FAF1: variants seen among roughly 807,000 people sequenced by gnomAD.
The protein encoded by FAF1 is FAS-associated factor 1.
A neutral mutation model predicts 92.5 loss-of-function variants in FAF1; 25 were observed. The ratio of observed to expected loss-of-function variants is 0.27; its 90% CI spans 0.20 to 0.38. FAF1 has a LOEUF of 0.38. FAF1 is among the 10% of genes least tolerant of loss of function. The pLI is 1.00. For missense variants in FAF1, 636 were observed against 793.3 expected (o/e 0.80, Z 2.38); for synonymous variants, 234 against 273.2 (o/e 0.86, Z 1.42).
intron 13 of FAF1, among the ~76,000 whole-genome samples, chr1:50,540,147 T>C (rs1648694322): frequency 6.6e-6 from 1 of 152,048 alleles, no homozygotes; most frequent in African/African-American, 2.4e-5. Flanking sequence ...ATTTTTTTTG[T>C]ATTTTTAGTA....
chr1:50,643,103 T>C (rs2124253014), intron 8 of FAF1, among the ~76,000 whole-genome samples: 1 of 152,330 alleles, frequency 6.6e-6, no homozygotes, highest in East Asian at 1.9e-4. Context: ...GTGCTGGGAT[T>C]ACAGGCATGA....
chr1:50,808,439 C>T (rs984071224), intron 2 of FAF1, among the ~76,000 whole-genome samples: 2 of 151,998 alleles, frequency 1.3e-5, no homozygotes, highest in African/African-American at 4.8e-5. Context: ...TGGGTTAATG[C>T]CCTAATTAAA....
intron 9 of FAF1, among the ~76,000 whole-genome samples, chr1:50,585,498 T>A (rs1440710750): frequency 3.3e-5 from 5 of 152,184 alleles, no homozygotes; most frequent in African/African-American, 1.2e-4. Context: ...ATTAAAAACA[T>A]CTGCTTCAAA....
chr1:50,547,878 C>T (rs1649111647), intron 13 of FAF1, among the ~76,000 whole-genome samples: 1 of 152,100 alleles, frequency 6.6e-6, no homozygotes, highest in Non-Finnish European at 1.5e-5. Context: ...TAATAATTGG[C>T]TTTTTCTTAC....
intron 1 of FAF1, among the ~76,000 whole-genome samples, chr1:50,866,721 C>G (rs992682174): frequency 6.6e-6 from 1 of 152,132 alleles, no homozygotes; most frequent in African/African-American, 2.4e-5. Context: ...ATCCCATGAT[C>G]ATGGATGGGT....
intron 18 of FAF1, among the ~76,000 whole-genome samples, chr1:50,474,781 A>C (rs951772043): frequency 1.3e-5 from 2 of 152,192 alleles, no homozygotes; most frequent in Non-Finnish European, 2.9e-5. Context: ...AAATCTGATA[A>C]AGTCTTCATT....
chr1:50,942,895 G>A (rs1023800765), intron 1 of FAF1, among the ~76,000 whole-genome samples: 3 of 152,078 alleles, frequency 2.0e-5, no homozygotes, highest in Non-Finnish European at 4.4e-5. Context: ...TTTCATAATG[G>A]ACTGTAAGCA....
chr1:50,854,601 G>A (rs1341348951), intron 2 of FAF1, among the ~76,000 whole-genome samples: 2 of 151,832 alleles, frequency 1.3e-5, no homozygotes, highest in Non-Finnish European at 2.9e-5. Flanking sequence ...AAAATAAGTG[G>A]AGCCAAGTGT....
intron 2 of FAF1, among the ~76,000 whole-genome samples, chr1:50,819,354 C>A (rs1447896833): frequency 1.3e-5 from 2 of 151,468 alleles, no homozygotes; most frequent in Non-Finnish European, 2.9e-5. Context: ...GTAGCGCACG[C>A]CTGTAATCCC....
chr1:50,632,530 T>A (rs1653837233), intron 8 of FAF1, among the ~76,000 whole-genome samples: 1 of 152,210 alleles, frequency 6.6e-6, no homozygotes, highest in Non-Finnish European at 1.5e-5. Flanking sequence ...GTTACTTCTC[T>A]ATTTAGTTCA....
At position 50,788,113 on chromosome 1, in the gene FAF1, C is replaced by T. The variant is rs370452298; in HGVS notation, c.254G>A (p.Arg85Gln). 3 of 1,614,004 alleles carry T rather than the reference C, an allele frequency of 1.9e-6. No individual in the cohort carries two copies. The highest frequency in any genetic ancestry group is 2.5e-6 in the Non-Finnish European group (3 of 1,179,966). ...APTSSSSSAF[R>Q]PVMPSRQIVE... ...AATCTGCCTGGATGGCATTACAGGTCGAAACGCTGAAGAAGAAGAGGAAGT... is the reference window on the plus strand; with the variant it reads ...AATCTGCCTGGATGGCATTACAGGTTGAAACGCTGAAGAAGAAGAGGAAGT... Residue 85 changes from arginine (R) to glutamine (Q), a missense_variant, in exon 4 of 19, where the codon CGA (arginine) becomes CAA (glutamine). Physicochemically the swap from Arg to Gln is conservative, Grantham distance 43 (BLOSUM62 1). Coordinates refer to ENST00000396153, the MANE Select transcript of FAF1 (RefSeq NM_007051.3).
At chr1:50,869,257 AG>A (rs977182622) in intron 1 of FAF1, among the ~76,000 whole-genome samples, 2 of 152,148 alleles carry the variant, frequency 1.3e-5, no homozygotes, top group African/African-American at 4.8e-5. Flanking sequence ...TTACTTTTAT[AG>A]TACATTTCTT....
chr1:50,575,169 A>G (rs1425337429), intron 12 of FAF1, among the ~76,000 whole-genome samples: 1 of 152,082 alleles, frequency 6.6e-6, no homozygotes, highest in East Asian at 1.9e-4. Context: ...CGGCCTCCCA[A>G]AGTGCTGGGA....
intron 2 of FAF1, among the ~76,000 whole-genome samples, chr1:50,816,954 G>A (rs1354949326): frequency 1.3e-5 from 2 of 152,046 alleles, no homozygotes; most frequent in Non-Finnish European, 2.9e-5. Flanking sequence ...TTTCTTCGTT[G>A]CTTATTTTTG....
chr1:50,705,201 C>A (rs1044510689), intron 7 of FAF1, among the ~76,000 whole-genome samples: 5 of 152,134 alleles, frequency 3.3e-5, no homozygotes, highest in African/African-American at 1.2e-4. Context: ...AACAAGGTAC[C>A]TCTTCTCTCT....
chr1:50,637,706 T>TGTGTGTGTGTGC (rs1186385884), intron 8 of FAF1, among the ~76,000 whole-genome samples: 3,266 of 150,262 alleles, frequency 0.022, 53 homozygotes, highest in Non-Finnish European at 0.034. Flanking sequence ...TGTGTGTGTG[T>TGTGTGTGTGTGC]GTGTGTGCGT....
chr1:50,592,198 G>C (rs1267419749), intron 9 of FAF1, among the ~76,000 whole-genome samples: 1 of 150,730 alleles, frequency 6.6e-6, no homozygotes, highest in Non-Finnish European at 1.5e-5. Flanking sequence ...CATCTGACTA[G>C]TACATAGTGA....
At chr1:50,652,054 C>T (rs1031118095) in intron 8 of FAF1, among the ~76,000 whole-genome samples, 1 of 152,192 alleles carries the variant, frequency 6.6e-6, no homozygotes, top group Non-Finnish European at 1.5e-5. Flanking sequence ...CAACACCCTG[C>T]CAATGCCGCA....
At chr1:50,758,691 T>C (rs948129920) in intron 4 of FAF1, among the ~76,000 whole-genome samples, 2 of 152,228 alleles carry the variant, frequency 1.3e-5, no homozygotes, top group Middle Eastern at 3.2e-3. Flanking sequence ...ACATCTCTTA[T>C]AGCTTTTATC....
Sources: allele counts gnomAD v4.1 joint callset (sites outside exome capture counted in the v4.1 genomes callset), GRCh38; gene constraint gnomAD v4.1.1; transcripts MANE v1.5; gene names NCBI Gene and HGNC (gene_info 2026-07-23, HGNC 2026-07-21).